The following AMPD2 variants were observed in gnomAD, a reference collection of about 807,000 sequenced individuals.
The protein encoded by AMPD2 is adenosine monophosphate deaminase 2.
A neutral mutation model predicts 91.3 loss-of-function variants in AMPD2; 52 were observed. The ratio of observed to expected loss-of-function variants is 0.57; its 90% confidence interval spans 0.46 to 0.72. The LOEUF is 0.72. Ranked by LOEUF, AMPD2 falls within the 30% of genes least tolerant of loss-of-function variation. The pLI is 0.00. For missense variants in AMPD2, 822 were observed against 1,122.3 expected, an observed-to-expected ratio of 0.73 and a Z score of 3.82; for synonymous variants, 455 against 456.4, an observed-to-expected ratio of 1.00 and a Z score of 0.04.
Position 109,629,908 on chromosome 1 carries a change from C to T in AMPD2, c.1975C>T (p.Leu659=). The T allele has an allele frequency of 6.2e-7, 1 of 1,607,704 alleles. No homozygotes were observed. Residue 659 remains leucine (L), a synonymous_variant, in exon 16 of 19, where the codon CTG becomes TTG. Transcript: ENST00000528667. ...LAENISHGLL[L]RKAPVLQYLY... ...TGAGAACATTTCCCACGGGCTCCTTCTGCGCAAGGTCAGGATCTGCACCCC... is the reference window on the plus strand; with the variant it reads ...TGAGAACATTTCCCACGGGCTCCTTTTGCGCAAGGTCAGGATCTGCACCCC...
rs1650121372 is a variant in AMPD2 at position 109,620,137 on chromosome 1, C to G, written c.-404C>G. 32 of 1,282,946 alleles carry G rather than the reference C, an allele frequency of 2.5e-5. No homozygotes were observed. The highest frequency in any genetic ancestry group is 3.5e-5 in the Non-Finnish European group (31 of 886,700). The allele number at this position is 1,282,946 out of a possible 1,614,324, so 79.5% of individuals were successfully genotyped here. On this transcript the variant is annotated 5_prime_UTR_variant, in exon 1 of 19. Coordinates refer to ENST00000528667, the MANE Select transcript of AMPD2 (RefSeq NM_001368809.2). ...AAAGACTGCCTTACTTTCCCCATCT[C>G]AGTGCCAGGGCAGGGGCCCTTGGAG... is the stretch of plus-strand genomic sequence containing the variant.
chr1:109,628,293 G>A lies in AMPD2; in HGVS notation c.1275+16G>A, dbSNP rs1557935269. 12 of 1,612,830 alleles carry A rather than the reference G, an allele frequency of 7.4e-6. No individual in the cohort carries two copies. Among genetic ancestry groups the A allele is most frequent in the South Asian group, 1.1e-5 (1 of 91,052 alleles). On this transcript the variant is annotated intron_variant, in intron 11 of 18. Transcript: ENST00000528667. The surrounding 1 kb of genome is among the most constrained non-coding windows in gnomAD (Gnocchi z 7.1). ...TGTGCATGCGGTCTGTGCCAGTGGC[G>A]TGGGCTGTGGGACTGAGTCAGTCAG...
chr1:109,620,183 G>A lies in AMPD2; in HGVS notation c.-358G>A. On this transcript the variant is annotated 5_prime_UTR_variant, in exon 1 of 19. Coordinates refer to ENST00000528667, the MANE Select transcript of AMPD2 (RefSeq NM_001368809.2). The stretch of plus-strand genomic sequence containing the variant: ...TGGAGTGACTTGGCTGGGGTCTGTG[G>A]CCCGATCCCCCTGCCGTCCCTCAGG... The A allele has an allele frequency of 5.0e-6, 8 of 1,587,276 alleles. No homozygotes were observed. The highest frequency in any genetic ancestry group is 6.9e-6 in the Non-Finnish European group (8 of 1,155,852).
chr1:109,628,625 A>G lies in AMPD2; in HGVS notation c.1408-18A>G. 4 of 1,612,408 alleles carry G rather than the reference A, an allele frequency of 2.5e-6. No homozygotes were observed. The highest frequency in any genetic ancestry group is 2.5e-6 in the Non-Finnish European group (3 of 1,178,952). The stretch of plus-strand genomic sequence containing the variant: ...ACTCAGCTCACCTCATGTCTGACTC[A>G]GCTCACCTCATGTCTAGGAGGTGAT... On this transcript the variant is annotated intron_variant, in intron 12 of 18. Transcript: ENST00000528667. The surrounding 1 kb of genome is among the most constrained non-coding windows in gnomAD (Gnocchi z 7.1).
rs754863457 is a variant in AMPD2, at chr1:109,621,224, T to A, written c.49T>A (p.Phe17Ile). ...GSGKPKAKYP[F>I]KKRASLQAST... ...TGGCAAGCCCAAGGCCAAATATCCC[T>A]TTAAGAAGCGGGCCAGCCTGCAGGC... The change falls in exon 2 of 19, where the codon TTT becomes ATT. Residue 17 changes from phenylalanine (F) to isoleucine (I), a missense_variant. Physicochemically the swap from Phe to Ile is conservative, Grantham distance 21. Around this residue, in one of 5 missense-constraint regions of AMPD2, gnomAD observed 105 missense variants for 125.0 expected, o/e 0.84. Transcript: ENST00000528667. 1.9e-6 allele frequency: 3 copies of A among 1,612,160 alleles called. No homozygotes were observed. The Admixed American group carries it at 5.0e-5, about 27-fold the overall frequency.
chr1:109,631,220 T>C lies in AMPD2; in HGVS notation c.*68T>C. On this transcript the variant is annotated 3_prime_UTR_variant, in exon 19 of 19. Transcript: ENST00000528667. ...ACGTTTTGTCCTCAGACCCCGCCCA[T>C]GCTGTGTGGTCTCTGCATGTCTCCA... The C allele has an allele frequency of 7.1e-7, 1 of 1,410,384 alleles. No homozygotes were observed. The highest frequency in any genetic ancestry group is 9.8e-7 in the Non-Finnish European group (1 of 1,019,930). 87.4% of individuals were successfully genotyped at this position (1,410,384 alleles called of 1,614,324 possible). A position where few individuals can be genotyped will look rare whatever the true frequency, so the allele number is the denominator to read the frequency against.
intron 8 of AMPD2, 56 bp from the exon 9 acceptor site, chr1:109,627,373 G>T: frequency 3.1e-6 from 5 of 1,613,544 alleles, no homozygotes; most frequent in Non-Finnish European, 4.2e-6. Context: ...GCGTTGGCTT[G>T]GGAGAGGCCA....
At position 109,620,190 on chromosome 1, in the gene AMPD2, C is replaced by G; in HGVS notation, c.-351C>G. 1 of 1,598,106 alleles carries G rather than the reference C, an allele frequency of 6.3e-7. No individual in the cohort carries two copies. Among genetic ancestry groups the G allele is most frequent in the South Asian group, 1.1e-5 (1 of 90,714 alleles). On this transcript the variant is annotated 5_prime_UTR_variant, in exon 1 of 19. In the 5' UTR this introduces an upstream ATG that the reference lacks. Coordinates refer to ENST00000528667, the MANE Select transcript of AMPD2 (RefSeq NM_001368809.2). ...ACTTGGCTGGGGTCTGTGGCCCGAT[C>G]CCCCTGCCGTCCCTCAGGACCCGGG...
chr1:109,631,431 A>G lies in AMPD2; in HGVS notation c.*279A>G. The stretch of plus-strand genomic sequence containing the variant: ...GGATCCTCAGAAGCCTGACTGTCCT[A>G]TGGGCTTCTCCAGTGTCCACAGGGG... On this transcript the variant is annotated 3_prime_UTR_variant, in exon 19 of 19. Transcript: ENST00000528667. 2 of 524,534 alleles carry G rather than the reference A, an allele frequency of 3.8e-6. No homozygotes were observed. The highest frequency in any genetic ancestry group is 3.4e-5 in the East Asian group (1 of 29,022). The allele number at this position is 524,534 out of a possible 1,614,324, so 32.5% of individuals were successfully genotyped here.
chr1:109,621,533 AT>A, intron 2 of AMPD2: 1 of 586,712 alleles, frequency 1.7e-6, no homozygotes, highest in Non-Finnish European at 3.1e-6. Context: ...AGAGGTGTGT[AT>A]GCACACGTGT....
chr1:109,622,335 A>C, intron 2 of AMPD2: 1 of 455,626 alleles, frequency 2.2e-6, no homozygotes, highest in Non-Finnish European at 4.4e-6. Context: ...AGAGCTGGAG[A>C]CCCTTCGGTG....
In AMPD2 at chr1:109,620,198, C is replaced by G; in HGVS notation, c.-343C>G. 1 of 1,608,828 alleles carries G rather than the reference C, an allele frequency of 6.2e-7. No homozygotes were observed. The highest frequency in any genetic ancestry group is 8.5e-7 in the Non-Finnish European group (1 of 1,175,326). ...GGGGTCTGTGGCCCGATCCCCCTGCCGTCCCTCAGGACCCGGGCTTTCTGC... is the reference window on the plus strand; with the variant it reads ...GGGGTCTGTGGCCCGATCCCCCTGCGGTCCCTCAGGACCCGGGCTTTCTGC... On this transcript the variant is annotated 5_prime_UTR_variant, in exon 1 of 19. Transcript: ENST00000528667.
chr1:109,625,566 C>G lies in AMPD2; in HGVS notation c.223-96C>G, dbSNP rs558719272. The G allele has an allele frequency of 8.1e-5, 130 of 1,595,988 alleles. 3 individuals are homozygous for G. In the South Asian group the frequency reaches 1.4e-3, roughly 17 times the overall value. On this transcript the variant is annotated intron_variant, in intron 3 of 18. Coordinates refer to ENST00000528667, the MANE Select transcript of AMPD2 (RefSeq NM_001368809.2). This position sits in a 1 kb window ranked among gnomAD's most constrained non-coding sequence, Gnocchi z 4.0. Reference sequence around the variant, plus strand: ...CTGATCCTCAGCCTCTCCCAGGTACCCCTGGTCCTGCTGCCCTCACCCCAT... The same window carrying G: ...CTGATCCTCAGCCTCTCCCAGGTACGCCTGGTCCTGCTGCCCTCACCCCAT...
intron 2 of AMPD2, among the ~76,000 whole-genome samples, chr1:109,623,259 T>C (rs570690390): frequency 1.3e-5 from 2 of 152,272 alleles, no homozygotes; most frequent in East Asian, 1.9e-4. Context: ...GGACCACTTA[T>C]CGCCCCACTT....
At chr1:109,621,318 C>T in intron 2 of AMPD2, 52 bp downstream of exon 2, 1 of 1,591,944 alleles carries the variant, frequency 6.3e-7, no homozygotes, top group Non-Finnish European at 8.6e-7. Flanking sequence ...TGTCTTGCCA[C>T]CTCTCGCCCA....
chr1:109,625,615 C>G lies in AMPD2; in HGVS notation c.223-47C>G. 1 of 1,608,794 alleles carries G rather than the reference C, an allele frequency of 6.2e-7. No individual in the cohort carries two copies. Among genetic ancestry groups the G allele is most frequent in the Non-Finnish European group, 8.5e-7 (1 of 1,176,212 alleles). On this transcript the variant is annotated intron_variant, in intron 3 of 18. Coordinates refer to ENST00000528667, the MANE Select transcript of AMPD2 (RefSeq NM_001368809.2). The surrounding 1 kb of genome is among the most constrained non-coding windows in gnomAD (Gnocchi z 4.0). ...ATCCCCAGACTCTGTAGGAGAGTGC[C>G]CGAGGGCGGAGGGCCAGCCATGCTG... is the stretch of plus-strand genomic sequence containing the variant.
rs1472618505 is a variant in AMPD2 at position 109,627,790 on chromosome 1, C to T, written c.967C>T (p.Arg323Cys). 18 of 1,613,966 alleles carry T rather than the reference C, an allele frequency of 1.1e-5. No individual in the cohort carries two copies. Among genetic ancestry groups the T allele is most frequent in the East Asian group, 4.5e-5 (2 of 44,888 alleles). The stretch of plus-strand genomic sequence containing the variant: ...CATGCCCAGAAAGTCATTCTGCTAC[C>T]GCCGGCTGCAGTACCTGAGCTCCAA... ...INGPIKSFCY[R>C]RLQYLSSKFQ... Residue 323 changes from arginine (R) to cysteine (C), a missense_variant, in exon 10 of 19, where the codon CGC (arginine) becomes TGC (cysteine). Around this residue, in one of 5 missense-constraint regions of AMPD2, gnomAD observed 37 missense variants for 84.8 expected, o/e 0.44. Transcript: ENST00000528667.
Position 109,631,336 on chromosome 1 carries a change from T to C in AMPD2, c.*184T>C, listed in dbSNP as rs1336424765. On this transcript the variant is annotated 3_prime_UTR_variant, in exon 19 of 19. Transcript: ENST00000528667. The stretch of plus-strand genomic sequence containing the variant: ...CAAAGCCTGGGAATCTGCTCATTGT[T>C]GTTTGGGCTCAGGTATTGAGCCTGA... The C allele has an allele frequency of 2.9e-6, 2 of 677,994 alleles. No individual in the cohort carries two copies. Among genetic ancestry groups the C allele is most frequent in the African/African-American group, 3.6e-5 (2 of 55,478 alleles). 42.0% of individuals were successfully genotyped at this position (677,994 alleles called of 1,614,324 possible). A position where few individuals can be genotyped will look rare whatever the true frequency, so the allele number is the denominator to read the frequency against.
Position 109,628,357 on chromosome 1 carries a change from C to T in AMPD2, c.1276-7C>T, listed in dbSNP as rs781445416. The T allele has an allele frequency of 2.5e-6, 4 of 1,613,962 alleles. No homozygotes were observed. The highest frequency in any genetic ancestry group is 1.7e-4 in the Middle Eastern group (1 of 6,060). On this transcript the variant is annotated splice_polypyrimidine_tract_variant and splice_region_variant and intron_variant, in intron 11 of 18. Coordinates refer to ENST00000528667, the MANE Select transcript of AMPD2 (RefSeq NM_001368809.2). This position sits in a 1 kb window ranked among gnomAD's most constrained non-coding sequence, Gnocchi z 7.1. ...ACGGGTGACCTGAGCCTTCCCATGT[C>T]CCCCAGGACAGGAACACTTTCCATC...
Sources: gnomAD v4.1 joint callset for allele counts (sites outside exome capture counted in the v4.1 genomes callset) on GRCh38, gnomAD v4.1.1 for gene constraint, gnomAD v4.1.1 regional missense constraint, Gnocchi (gnomAD v3.1) non-coding constraint, MANE v1.5 for transcripts, NCBI Gene and HGNC (gene_info 2026-07-23, HGNC 2026-07-21) for gene names.